The following VAPA variants were observed in gnomAD, a reference collection of about 807,000 sequenced individuals.
VAPA encodes the protein vesicle-associated membrane protein-associated protein A.
In VAPA, 6 loss-of-function variants were observed where a neutral mutation model predicts 25.6. That is an observed-to-expected ratio of 0.23 (90% CI 0.13 to 0.46). The LOEUF is 0.46. Among genes scored for constraint, VAPA ranks in the 20% least tolerant of loss-of-function variants. The probability of loss-of-function intolerance (pLI) is 0.99; values close to 1 mark genes in which losing one functional copy is unlikely to be tolerated. For missense variants in VAPA, 244 were observed against 302.1 expected (o/e 0.81, Z 1.43); for synonymous variants, 112 against 106.2 (o/e 1.05, Z -0.34).
At position 9,956,525 on chromosome 18, in the gene VAPA, G is replaced by A. The variant is rs1000404041; in HGVS notation, c.*2314G>A. On this transcript the variant is annotated 3_prime_UTR_variant, in exon 6 of 6. Transcript: ENST00000400000. Reference sequence around the variant, plus strand: ...TTTGAGATAGATTGTAGTCTGGGTAGCATCTTTAAAATGTATGTGGGCTTA... The same window carrying A: ...TTTGAGATAGATTGTAGTCTGGGTAACATCTTTAAAATGTATGTGGGCTTA... The A allele has an allele frequency of 6.6e-6, 1 of 152,600 alleles. No individual in the cohort carries two copies. The highest frequency in any genetic ancestry group is 2.4e-5 in the African/African-American group (1 of 41,450). 9.5% of individuals were successfully genotyped at this position (152,600 alleles called of 1,614,324 possible).
At position 9,936,991 on chromosome 18, in the gene VAPA, A is replaced by G; in HGVS notation, c.342A>G (p.Lys114=). 6.2e-7 allele frequency: 1 copy of G among 1,613,674 alleles called. No homozygotes were observed. Residue 114 remains lysine, a synonymous_variant, in exon 4 of 6, where the codon AAA becomes AAG. Coordinates refer to ENST00000400000, the MANE Select transcript of VAPA (RefSeq NM_194434.3). The stretch of plus-strand genomic sequence containing the variant: ...TTGGTTTTGTTTATTTTTAGTGGAA[A>G]GAGGCAAAACCTGATGAATTAATGG... ...PNTSDMEAVW[K]EAKPDELMDS...
intron 1 of VAPA, among the ~76,000 whole-genome samples, chr18:9,916,382 A>G (rs144137794): frequency 2.5e-4 from 38 of 152,322 alleles, no homozygotes; most frequent in Middle Eastern, 3.4e-3. Context: ...TGTCTGAGGA[A>G]AGAAGCCCTT....
intron 1 of VAPA, among the ~76,000 whole-genome samples, chr18:9,922,511 C>G (rs931278881): frequency 2.0e-5 from 3 of 152,036 alleles, no homozygotes; most frequent in African/African-American, 7.2e-5. Flanking sequence ...TCAGGTATAC[C>G]TGGTCTCACA....
At chr18:9,949,590 ATTATT>A (rs1389577253) in intron 4 of VAPA, 2 of 152,238 alleles carry the variant, frequency 1.3e-5, no homozygotes, top group Non-Finnish European at 2.9e-5. Context: ...TTTACCTAAA[ATTATT>A]TTAAAGTAAG....
intron 1 of VAPA, among the ~76,000 whole-genome samples, chr18:9,916,061 T>A (rs2069109446): frequency 6.6e-6 from 1 of 152,218 alleles, no homozygotes; most frequent in Non-Finnish European, 1.5e-5. Context: ...GATAACTATG[T>A]GTAAATTGCC....
Position 9,954,420 on chromosome 18 carries a change from C to T in VAPA, c.*209C>T, listed in dbSNP as rs2069523712. 1.9e-5 allele frequency: 9 copies of T among 483,184 alleles called. No homozygotes were observed. The highest frequency in any genetic ancestry group is 3.3e-5 in the Non-Finnish European group (9 of 276,494). 29.9% of individuals were successfully genotyped at this position (483,184 alleles called of 1,614,324 possible). The stretch of plus-strand genomic sequence containing the variant: ...GGCTACTGGACAGGTTGTATATTAC[C>T]AGATCATCACTAGCAGATGTCAGTT... On this transcript the variant is annotated 3_prime_UTR_variant, in exon 6 of 6. Coordinates refer to ENST00000400000, the MANE Select transcript of VAPA (RefSeq NM_194434.3).
At chr18:9,917,105 T>G (rs528480475) in intron 1 of VAPA, among the ~76,000 whole-genome samples, 1 of 152,340 alleles carries the variant, frequency 6.6e-6, no homozygotes, top group Admixed American at 6.5e-5. Flanking sequence ...GTAGATCACT[T>G]GTGTTAGTAA....
chr18:9,947,184 TAGA>T (rs1316555230), intron 4 of VAPA, among the ~76,000 whole-genome samples: 2 of 148,196 alleles, frequency 1.3e-5, no homozygotes, highest in Non-Finnish European at 3.0e-5. Flanking sequence ...TTTTCGTAAG[TAGA>T]AGGAGTACAC....
chr18:9,944,838 C>CT, intron 4 of VAPA: 1 of 1,480,938 alleles, frequency 6.8e-7, no homozygotes, highest in Non-Finnish European at 9.1e-7. Context: ...GAGCCTAATG[C>CT]TTTCTGTGTC....
chr18:9,942,144 C>T (rs2069372245), intron 4 of VAPA, among the ~76,000 whole-genome samples: 2 of 152,126 alleles, frequency 1.3e-5, no homozygotes, highest in Non-Finnish European at 2.9e-5. Flanking sequence ...GTGTTTAGAG[C>T]AGTGGACAAG....
In VAPA at chr18:9,956,231, T is replaced by G. The variant is rs942691013; in HGVS notation, c.*2020T>G. On this transcript the variant is annotated 3_prime_UTR_variant, in exon 6 of 6. Transcript: ENST00000400000. Reference sequence around the variant, plus strand: ...GTAGAGGCAGAGCTGGAACTAGATATCTGGTCTGTTGACTCTAGCTCAGTG... The same window carrying G: ...GTAGAGGCAGAGCTGGAACTAGATAGCTGGTCTGTTGACTCTAGCTCAGTG... 1 of 152,336 alleles carries G rather than the reference T, an allele frequency of 6.6e-6. No individual in the cohort carries two copies. Among genetic ancestry groups the G allele is most frequent in the South Asian group, 2.1e-4 (1 of 4,828 alleles). 9.4% of individuals were successfully genotyped at this position (152,336 alleles called of 1,614,324 possible).
chr18:9,952,353 G>A (rs553944790), intron 5 of VAPA, among the ~76,000 whole-genome samples: 6 of 152,132 alleles, frequency 3.9e-5, no homozygotes, highest in East Asian at 1.9e-4. Context: ...GATCACCTGA[G>A]GTCAGGAGTT....
intron 4 of VAPA, among the ~76,000 whole-genome samples, chr18:9,941,874 A>T (rs1299808031): frequency 1.3e-5 from 2 of 152,234 alleles, no homozygotes; most frequent in Non-Finnish European, 2.9e-5. Flanking sequence ...AGGTTAACAA[A>T]AATGGTTTGA....
At chr18:9,945,166 A>G (rs1003863378) in intron 4 of VAPA, 5 of 1,295,970 alleles carry the variant, frequency 3.9e-6, no homozygotes, top group African/African-American at 3.0e-5. Flanking sequence ...TATGAAGTAG[A>G]TAGAATTGAA....
intron 1 of VAPA, among the ~76,000 whole-genome samples, chr18:9,923,595 C>T (rs1231014343): frequency 6.9e-6 from 1 of 145,710 alleles, no homozygotes; most frequent in Non-Finnish European, 1.5e-5. Context: ...GACTGTCATA[C>T]TTTAAAGACA....
rs531082394 is a variant in VAPA at position 9,947,182 on chromosome 18, A to C, written c.418-3213A>C. On this transcript the variant is annotated intron_variant, in intron 4 of 5. Transcript: ENST00000400000. ...TTAGAGTGTCCTTTTTGTTTTCGTA[A>C]GTAGAAGGAGTACACTCTAAAATAA... Among the ~76,000 whole-genome samples the C allele has an allele frequency of 2.1e-4, 32 of 149,054 alleles. No individual in the cohort carries two copies. The South Asian group carries it at 6.3e-3, about 29-fold the overall frequency.
intron 4 of VAPA, among the ~76,000 whole-genome samples, chr18:9,937,619 A>G (rs1276359523): frequency 6.6e-6 from 1 of 152,200 alleles, no homozygotes; most frequent in Non-Finnish European, 1.5e-5. Context: ...TTATTCAAAA[A>G]CAAACAAAAA....
chr18:9,915,517 G>A (rs2069105251), intron 1 of VAPA, among the ~76,000 whole-genome samples: 1 of 151,990 alleles, frequency 6.6e-6, no homozygotes, highest in African/African-American at 2.4e-5. Flanking sequence ...CCTATCTTTA[G>A]TTAAGTGTAA....
chr18:9,958,039 G>C lies in VAPA; in HGVS notation c.*3828G>C, dbSNP rs1046370656. On this transcript the variant is annotated 3_prime_UTR_variant, in exon 6 of 6. Transcript: ENST00000400000. ...AAGTTTGTCTTGCCCTTCTGACACA[G>C]TGTGTGCACTTCAGGCAATTTTTGG... The C allele has an allele frequency of 5.9e-5, 9 of 152,184 alleles. No homozygotes were observed. The highest frequency in any genetic ancestry group is 1.2e-4 in the African/African-American group (5 of 41,444). 9.4% of individuals were successfully genotyped at this position (152,184 alleles called of 1,614,324 possible). A position where few individuals can be genotyped will look rare whatever the true frequency, so the allele number is the denominator to read the frequency against.
Sources: allele counts gnomAD v4.1 joint callset (sites outside exome capture counted in the v4.1 genomes callset), GRCh38; gene constraint gnomAD v4.1.1; transcripts MANE v1.5; gene names NCBI Gene and HGNC (gene_info 2026-07-23, HGNC 2026-07-21).